The following KLHL12 variants were observed in gnomAD, a reference collection of about 807,000 sequenced individuals.
The protein encoded by KLHL12 is kelch like family member 12, also known as kelch-like protein 12.
A neutral mutation model predicts 60.8 loss-of-function variants in KLHL12; 17 were observed. The observed-to-expected ratio is 0.28, with a 90% CI of 0.19 to 0.42. The LOEUF (loss-of-function observed/expected upper bound fraction) is 0.42. Among genes scored for constraint, KLHL12 ranks in the 10% least tolerant of loss-of-function variants. The pLI is 1.00. For synonymous variants in KLHL12, 220 were observed against 250.9 expected (o/e 0.88, Z 1.16); for missense variants, 468 against 722.3 (o/e 0.65, Z 4.04).
chr1:202,908,960 C>A lies in KLHL12; in HGVS notation c.832+50G>T, dbSNP rs201457975. 15 of 1,146,366 alleles carry A rather than the reference C, an allele frequency of 1.3e-5. No individual in the cohort carries two copies. The East Asian group carries it at 3.5e-4, about 27-fold the overall frequency. The allele number at this position is 1,146,366 out of a possible 1,614,324, so 71.0% of individuals were successfully genotyped here. A position where few individuals can be genotyped will look rare whatever the true frequency, so the allele number is the denominator to read the frequency against. On this transcript the variant is annotated intron_variant, in intron 6 of 11. Coordinates refer to ENST00000367261, the MANE Select transcript of KLHL12 (RefSeq NM_021633.4). ...TTATTTTCAACTATGTTGTCACCTG[C>A]AAGAAGTAGTTGAAAAGCATCCCCT...
chr1:202,911,559 G>A (rs1286818539), intron 4 of KLHL12, among the ~76,000 whole-genome samples: 1 of 151,558 alleles, frequency 6.6e-6, no homozygotes, highest in Non-Finnish European at 1.5e-5. Context: ...AATTGCTTCT[G>A]GTCTTCTCTA....
At position 202,895,433 on chromosome 1, in the gene KLHL12, T is replaced by A; in HGVS notation, c.1135+89A>T. 8.8e-7 allele frequency: 1 copy of A among 1,142,438 alleles called. No individual in the cohort carries two copies. The highest frequency in any genetic ancestry group is 1.3e-6 in the Non-Finnish European group (1 of 793,018). 70.8% of individuals were successfully genotyped at this position (1,142,438 alleles called of 1,614,324 possible). A position where few individuals can be genotyped will look rare whatever the true frequency, so the allele number is the denominator to read the frequency against. On this transcript the variant is annotated intron_variant, in intron 8 of 11. Coordinates refer to ENST00000367261, the MANE Select transcript of KLHL12 (RefSeq NM_021633.4). This position sits in a 1 kb window ranked among gnomAD's most constrained non-coding sequence, Gnocchi z 4.2. Reference sequence around the variant, plus strand: ...TTTGACCTTAATTTTTTCTCCGTATTTCATGCTCCTGCCAGACAACAGGAG... The same window carrying A: ...TTTGACCTTAATTTTTTCTCCGTATATCATGCTCCTGCCAGACAACAGGAG...
chr1:202,917,228 C>A (rs559170364), intron 4 of KLHL12, among the ~76,000 whole-genome samples: 1 of 152,054 alleles, frequency 6.6e-6, no homozygotes, highest in African/African-American at 2.4e-5. Flanking sequence ...CTTCTTCCCC[C>A]GCAAGAGACA....
Position 202,895,461 on chromosome 1 carries a change from G to C in KLHL12, c.1135+61C>G. On this transcript the variant is annotated intron_variant, in intron 8 of 11. Transcript: ENST00000367261. This position sits in a 1 kb window ranked among gnomAD's most constrained non-coding sequence, Gnocchi z 4.2. ...ATGCTCCTGCCAGACAACAGGAGAG[G>C]TTAAAAACCCTGGTCCAGCCACAGT... 1 of 1,457,650 alleles carries C rather than the reference G, an allele frequency of 6.9e-7. No homozygotes were observed. Among genetic ancestry groups the C allele is most frequent in the Non-Finnish European group, 9.4e-7 (1 of 1,061,630 alleles). The allele number at this position is 1,457,650 out of a possible 1,614,324, so 90.3% of individuals were successfully genotyped here.
Position 202,895,308 on chromosome 1 carries a change from G to A in KLHL12, c.1135+214C>T, listed in dbSNP as rs573864172. Among the ~76,000 whole-genome samples, 183 of 152,232 alleles carry A rather than the reference G, an allele frequency of 1.2e-3. No individual in the cohort carries two copies. Among genetic ancestry groups the A allele is most frequent in the African/African-American group, 2.9e-3 (122 of 41,540 alleles). ...CTCAGGAAGCTGAGGTGGGAGGATC[G>A]CTTGAGCTTGGGGAGGTTGAGGCTG... On this transcript the variant is annotated intron_variant, in intron 8 of 11. Transcript: ENST00000367261. The surrounding 1 kb of genome is among the most constrained non-coding windows in gnomAD (Gnocchi z 4.2).
intron 4 of KLHL12, among the ~76,000 whole-genome samples, chr1:202,913,423 A>T (rs1660424904): frequency 6.6e-6 from 1 of 152,200 alleles, no homozygotes; most frequent in Non-Finnish European, 1.5e-5. Context: ...AAAAACGCAG[A>T]TGTTTCACAA....
intron 6 of KLHL12, among the ~76,000 whole-genome samples, chr1:202,908,350 T>C (rs547529621): frequency 6.6e-6 from 1 of 152,192 alleles, no homozygotes; most frequent in Admixed American, 6.5e-5. Flanking sequence ...GCTAAGATAA[T>C]AGCTAATACA....
intron 3 of KLHL12, 141 bp from the exon 4 acceptor site, chr1:202,918,529 A>G (rs1660592503): frequency 2.9e-6 from 2 of 682,328 alleles, no homozygotes; most frequent in African/African-American, 1.8e-5. Flanking sequence ...TAGAAATTCT[A>G]TGCTTAAGGA....
At chr1:202,922,427 C>T (rs1227310233) in intron 2 of KLHL12, among the ~76,000 whole-genome samples, 2 of 136,840 alleles carry the variant, frequency 1.5e-5, no homozygotes, top group Admixed American at 7.5e-5. Flanking sequence ...ATTAGCCAGG[C>T]GTCAAGGAAA....
In KLHL12 at chr1:202,912,632, C is replaced by T. The variant is rs1421971272; in HGVS notation, c.568-1429G>A. The T allele has an allele frequency of 4.5e-6, 6 of 1,345,878 alleles. No individual in the cohort carries two copies. The Middle Eastern group carries it at 7.2e-4, about 160-fold the overall frequency. The allele number at this position is 1,345,878 out of a possible 1,614,324, so 83.4% of individuals were successfully genotyped here. A position where few individuals can be genotyped will look rare whatever the true frequency, so the allele number is the denominator to read the frequency against. ...CTTTGGAGGCAGAAGCTCTGGGCCC[C>T]TATGGCGGTGGAGGCCAATACTCTG... On this transcript the variant is annotated intron_variant, in intron 4 of 11. Transcript: ENST00000367261.
At chr1:202,903,992 G>GTATGTATC (rs1553236663) in intron 6 of KLHL12, among the ~76,000 whole-genome samples, 1 of 141,502 alleles carries the variant, frequency 7.1e-6, no homozygotes, top group African/African-American at 2.6e-5. Context: ...ATCTATCTAT[G>GTATGTATC]TATCTATCTA....
At chr1:202,926,483 G>A (rs1239924322) in intron 1 of KLHL12, among the ~76,000 whole-genome samples, 1 of 152,130 alleles carries the variant, frequency 6.6e-6, no homozygotes, top group Non-Finnish European at 1.5e-5. Context: ...ACAGAAAAGC[G>A]GGTGATTCAT....
upstream of KLHL12, chr1:202,927,351 G>T: frequency 1.2e-6 from 1 of 847,618 alleles, no homozygotes; most frequent in Non-Finnish European, 1.4e-6. Context: ...GTACCCTAGC[G>T]CGGGGCTTCT....
At position 202,894,602 on chromosome 1, in the gene KLHL12, A is replaced by G. The variant is rs754213512; in HGVS notation, c.1283T>C (p.Ile428Thr). 1 of 1,614,100 alleles carries G rather than the reference A, an allele frequency of 6.2e-7. No homozygotes were observed. Among genetic ancestry groups the G allele is most frequent in the East Asian group, 2.2e-5 (1 of 44,880 alleles). ...GAGLVVASGVIYCLGGYDGLN... is the reference protein window; with the variant it reads ...GAGLVVASGVTYCLGGYDGLN... ...CCCAGACTCAATACCTAGACAGTAG[A>G]TCACTCCACTGGCCACTACGAGTCC... The change falls in exon 9 of 12, where the codon ATC becomes ACC. Residue 428 changes from isoleucine (I) to threonine (T), a missense_variant. Ile to Thr is a moderately conservative substitution (Grantham distance 89, BLOSUM62 -1). This residue lies in a region of KLHL12 where 339 missense variants were observed against 525.0 expected (regional missense o/e 0.65). Coordinates refer to ENST00000367261, the MANE Select transcript of KLHL12 (RefSeq NM_021633.4).
chr1:202,927,118 G>A lies in KLHL12; in HGVS notation c.-75C>T, dbSNP rs1571549800. ...GCTCCCGAACCCACACAGCCGCACC[G>A]GGCCCGTCCCCAGCCTGTGGGGATG... On this transcript the variant is annotated 5_prime_UTR_variant, in exon 1 of 12. Coordinates refer to ENST00000367261, the MANE Select transcript of KLHL12 (RefSeq NM_021633.4). 3.0e-6 allele frequency: 3 copies of A among 985,352 alleles called. No individual in the cohort carries two copies. Among genetic ancestry groups the A allele is most frequent in the Non-Finnish European group, 3.6e-6 (3 of 830,050 alleles). The allele number at this position is 985,352 out of a possible 1,614,324, so 61.0% of individuals were successfully genotyped here.
intron 4 of KLHL12, among the ~76,000 whole-genome samples, chr1:202,917,727 A>AT (rs1043595293): frequency 1.4e-4 from 21 of 151,884 alleles, no homozygotes; most frequent in African/African-American, 2.7e-4. Flanking sequence ...TCTTTATAAC[A>AT]TTTTTTTTGT....
In KLHL12 at chr1:202,909,987, G is replaced by C. The variant is rs1005721541; in HGVS notation, c.718-863C>G. ...TGAGTATAGCATCTGTTTCCTGTTG[G>C]GACCCTAAAGGACACAGCTCTAATT... On this transcript the variant is annotated intron_variant, in intron 5 of 11. Transcript: ENST00000367261. This position sits in a 1 kb window ranked among gnomAD's most constrained non-coding sequence, Gnocchi z 4.1. 6.6e-5 allele frequency among the ~76,000 whole-genome samples: 10 copies of C among 152,002 alleles called. No homozygotes were observed. The highest frequency in any genetic ancestry group is 1.2e-4 in the Non-Finnish European group (8 of 68,024).
chr1:202,894,815 C>T, intron 8 of KLHL12, 66 bp from the exon 9 acceptor site: 1 of 1,374,246 alleles, frequency 7.3e-7, no homozygotes. Flanking sequence ...CTTTCCTCTA[C>T]AAATTTTCCA....
At chr1:202,907,419 T>C (rs1660228436) in intron 6 of KLHL12, among the ~76,000 whole-genome samples, 2 of 145,386 alleles carry the variant, frequency 1.4e-5, no homozygotes, top group East Asian at 4.2e-4. Flanking sequence ...CTGGTCAACA[T>C]GGAGAAACCC....
Sources: gnomAD v4.1 joint callset for allele counts (sites outside exome capture counted in the v4.1 genomes callset) on GRCh38, gnomAD v4.1.1 for gene constraint, gnomAD v4.1.1 regional missense constraint, Gnocchi (gnomAD v3.1) non-coding constraint, MANE v1.5 for transcripts, NCBI Gene and HGNC (gene_info 2026-07-23, HGNC 2026-07-21) for gene names.